The following UBR3 variants were observed in gnomAD, a reference collection of about 807,000 sequenced individuals.
UBR3 encodes ubiquitin protein ligase E3 component n-recognin 3.
UBR3 carries 85 observed loss-of-function variants against 243.2 expected under a neutral mutation model. The ratio of observed to expected loss-of-function variants is 0.35; its 90% confidence interval spans 0.29 to 0.42. UBR3 has a LOEUF of 0.42. Ranked by LOEUF, UBR3 falls within the 10% of genes least tolerant of loss-of-function variation. The probability of loss-of-function intolerance (pLI) is 1.00; values close to 1 mark genes in which losing one functional copy is unlikely to be tolerated. For missense variants in UBR3, 1,686 were observed against 2,300.8 expected (o/e 0.73, Z 5.47); for synonymous variants, 748 against 799.8 (o/e 0.94, Z 1.09).
At position 169,928,582 on chromosome 2, in the gene UBR3, T is replaced by A. The variant is rs1256647419; in HGVS notation, c.2425-145T>A. 16 of 485,544 alleles carry A rather than the reference T, an allele frequency of 3.3e-5. No individual in the cohort carries two copies. In the Admixed American group the frequency reaches 3.3e-4, roughly 10 times the overall value. The allele number at this position is 485,544 out of a possible 1,614,324, so 30.1% of individuals were successfully genotyped here. A position where few individuals can be genotyped will look rare whatever the true frequency, so the allele number is the denominator to read the frequency against. The stretch of plus-strand genomic sequence containing the variant: ...AAACAGTTATTATTGATCTGTTGTA[T>A]TATATAGCCCTCTTGTGGCCAGCTT... On this transcript the variant is annotated intron_variant, in intron 17 of 38. Coordinates refer to ENST00000272793, the MANE Select transcript of UBR3 (RefSeq NM_172070.4).
intron 1 of UBR3, among the ~76,000 whole-genome samples, chr2:169,856,852 G>A (rs10190519): frequency 0.77 from 109,789 of 142,314 alleles, 43,722 homozygotes; most frequent in South Asian, 0.89. Flanking sequence ...AGGGGGAGGG[G>A]GAGCTATCCA....
At chr2:169,867,704 A>G (rs1038795064) in intron 1 of UBR3, among the ~76,000 whole-genome samples, 5 of 152,222 alleles carry the variant, frequency 3.3e-5, no homozygotes, top group Non-Finnish European at 2.9e-5. Context: ...AAGATCAAAA[A>G]CTGTTTTTAT....
intron 1 of UBR3, among the ~76,000 whole-genome samples, chr2:169,833,223 G>C (rs924636699): frequency 6.6e-6 from 1 of 152,202 alleles, no homozygotes; most frequent in Non-Finnish European, 1.5e-5. Flanking sequence ...TTGTTCAAGG[G>C]TCAACTGTAA....
chr2:169,985,235 T>G (rs2088947221), intron 24 of UBR3, among the ~76,000 whole-genome samples: 1 of 150,342 alleles, frequency 6.7e-6, no homozygotes, highest in Non-Finnish European at 1.5e-5. Flanking sequence ...TTTTTTTTTT[T>G]TTTTTTTTCT....
intron 10 of UBR3, among the ~76,000 whole-genome samples, chr2:169,909,737 G>T (rs1480866870): frequency 8.5e-6 from 1 of 117,988 alleles, no homozygotes; most frequent in African/African-American, 2.8e-5. Flanking sequence ...GCATGTGTGT[G>T]TGTGTATATA....
intron 6 of UBR3, among the ~76,000 whole-genome samples, chr2:169,891,780 T>A (rs1227043373): frequency 6.6e-6 from 1 of 152,174 alleles, no homozygotes; most frequent in East Asian, 1.9e-4. Context: ...TTATTGAACC[T>A]TTTGTATGTG....
chr2:170,013,897 T>C (rs1485047754), intron 29 of UBR3: 1 of 470,434 alleles, frequency 2.1e-6, no homozygotes, highest in Non-Finnish European at 4.4e-6. Flanking sequence ...TATATTCCCT[T>C]GATGAAGGAA....
At chr2:169,938,123 C>T (rs1312250016) in intron 19 of UBR3, among the ~76,000 whole-genome samples, 1 of 152,104 alleles carries the variant, frequency 6.6e-6, no homozygotes, top group African/African-American at 2.4e-5. Context: ...TAGCCCCTTG[C>T]CTTCCCACCT....
chr2:169,890,119 T>C (rs2084268922), intron 5 of UBR3, among the ~76,000 whole-genome samples: 1 of 152,150 alleles, frequency 6.6e-6, no homozygotes, highest in South Asian at 2.1e-4. Flanking sequence ...AACCTTTAGC[T>C]GGAGAGGAAA....
At chr2:169,857,147 C>T (rs2082915005) in intron 1 of UBR3, among the ~76,000 whole-genome samples, 1 of 123,850 alleles carries the variant, frequency 8.1e-6, no homozygotes, top group African/African-American at 3.1e-5. Flanking sequence ...GATCTAGGCT[C>T]ACTGTAACCT....
chr2:170,015,238 G>T, intron 29 of UBR3, 43 bp from the exon 30 acceptor site: 1 of 1,483,322 alleles, frequency 6.7e-7, no homozygotes, highest in African/African-American at 1.4e-5. Flanking sequence ...GATTAATAAA[G>T]AATCTTCAGT....
At chr2:169,961,573 T>C (rs756867667) in intron 24 of UBR3, among the ~76,000 whole-genome samples, 1 of 152,192 alleles carries the variant, frequency 6.6e-6, no homozygotes, top group Non-Finnish European at 1.5e-5. Flanking sequence ...TGATTGTTCA[T>C]TTAGATGGAT....
intron 24 of UBR3, among the ~76,000 whole-genome samples, chr2:169,978,692 CAA>C (rs57315269): frequency 0.054 from 8,195 of 152,020 alleles, 398 homozygotes; most frequent in African/African-American, 0.13. Context: ...TCAGAATGGC[CAA>C]ATACAGATGT....
At chr2:169,836,000 T>C (rs1160446605) in intron 1 of UBR3, among the ~76,000 whole-genome samples, 2,649 of 12,438 alleles carry the variant, frequency 0.21, 307 homozygotes, top group East Asian at 0.39. Flanking sequence ...ACTGTCTCTC[T>C]CTCTCTCTCT....
intron 1 of UBR3, among the ~76,000 whole-genome samples, chr2:169,860,568 AGT>A (rs2083052260): frequency 6.6e-6 from 1 of 151,898 alleles, no homozygotes; most frequent in Non-Finnish European, 1.5e-5. Flanking sequence ...GTTTTTCCTC[AGT>A]GTGAGTTTTT....
At chr2:169,844,374 A>C (rs1179786911) in intron 1 of UBR3, among the ~76,000 whole-genome samples, 1 of 152,010 alleles carries the variant, frequency 6.6e-6, no homozygotes, top group Non-Finnish European at 1.5e-5. Flanking sequence ...TGACAGTTTG[A>C]ATCTTTCATG....
chr2:170,024,643 C>A (rs2090481965), intron 30 of UBR3, among the ~76,000 whole-genome samples: 5 of 151,772 alleles, frequency 3.3e-5, no homozygotes, highest in Admixed American at 3.3e-4. Context: ...AATAGTCTTA[C>A]CTTAATGTTG....
intron 1 of UBR3, among the ~76,000 whole-genome samples, chr2:169,851,691 C>G (rs2082662322): frequency 6.6e-6 from 1 of 151,980 alleles, no homozygotes; most frequent in Non-Finnish European, 1.5e-5. Context: ...TGGTGAAACC[C>G]TGTCTCTACT....
At chr2:169,828,524 T>C in intron 1 of UBR3, among the ~76,000 whole-genome samples, 1 of 151,906 alleles carries the variant, frequency 6.6e-6, no homozygotes, top group East Asian at 1.9e-4. Context: ...GGAGGTGGTC[T>C]TGTACGTGCA....
Sources: gnomAD v4.1 joint callset for allele counts (sites outside exome capture counted in the v4.1 genomes callset) on GRCh38, gnomAD v4.1.1 for gene constraint, MANE v1.5 for transcripts, NCBI Gene and HGNC (gene_info 2026-07-23, HGNC 2026-07-21) for gene names.